The following KIF26B variants were observed in gnomAD, a reference collection of about 807,000 sequenced individuals.
KIF26B encodes the protein kinesin-like protein KIF26B.
Under a neutral mutation model 151.2 loss-of-function variants are expected in KIF26B, and 63 were observed. The ratio of observed to expected loss-of-function variants is 0.42; its 90% CI spans 0.34 to 0.51. The LOEUF (loss-of-function observed/expected upper bound fraction) is 0.51, where lower values mean the gene tolerates loss of function less well. KIF26B is among the 20% of genes least tolerant of loss of function. The pLI is 0.07. For synonymous variants in KIF26B, 1,357 were observed against 1,262.1 expected (o/e 1.08, Z -1.59); for missense variants, 2,813 against 2,913.6 (o/e 0.97, Z 0.79).
intron 4 of KIF26B, among the ~76,000 whole-genome samples, chr1:245,453,370 C>T (rs1365522852): frequency 6.6e-6 from 1 of 152,110 alleles, no homozygotes; most frequent in Admixed American, 6.6e-5. Context: ...ACATTTTATT[C>T]ATCACAATTT....
At position 245,606,045 on chromosome 1, in the gene KIF26B, G is replaced by A. The variant is rs1352582651; in HGVS notation, c.1558-1606G>A. ...AGCCTTCTGCCTGCTCTGCAGACACGCCTCTGGCAAATTCCATCAAGACGC... is the reference window on the plus strand; with the variant it reads ...AGCCTTCTGCCTGCTCTGCAGACACACCTCTGGCAAATTCCATCAAGACGC... On this transcript the variant is annotated intron_variant, in intron 6 of 14. Transcript: ENST00000407071. This position sits in a 1 kb window ranked among gnomAD's most constrained non-coding sequence, Gnocchi z 4.6. Among the ~76,000 whole-genome samples the A allele has an allele frequency of 1.3e-5, 2 of 152,132 alleles. No homozygotes were observed. The highest frequency in any genetic ancestry group is 2.4e-5 in the African/African-American group (1 of 41,436).
chr1:245,542,236 C>T lies in KIF26B; in HGVS notation c.1350+1286C>T, dbSNP rs539420544. ...GGCACAGTGGCAGATGCCTGTAGTC[C>T]CAGCTACTCAGGAGGCTAAGGAGGG... On this transcript the variant is annotated intron_variant, in intron 5 of 14. Coordinates refer to ENST00000407071, the MANE Select transcript of KIF26B (RefSeq NM_018012.4). Among the ~76,000 whole-genome samples the T allele has an allele frequency of 2.0e-5, 3 of 152,318 alleles. No individual in the cohort carries two copies. In the South Asian group the frequency reaches 6.2e-4, roughly 32 times the overall value.
In KIF26B at chr1:245,375,796, A is replaced by G. The variant is rs1302184158; in HGVS notation, c.999+8429A>G. On this transcript the variant is annotated intron_variant, in intron 3 of 14. Coordinates refer to ENST00000407071, the MANE Select transcript of KIF26B (RefSeq NM_018012.4). This position sits in a 1 kb window ranked among gnomAD's most constrained non-coding sequence, Gnocchi z 4.2. ...TCTACAGACCAAGGAGTCCCTGCAG[A>G]AACCTGCAGGACAGCAAGAACGTGG... Among the ~76,000 whole-genome samples the G allele has an allele frequency of 6.6e-6, 1 of 152,190 alleles. No homozygotes were observed. The highest frequency in any genetic ancestry group is 1.9e-4 in the East Asian group (1 of 5,194).
chr1:245,362,109 C>G (rs756434916), intron 2 of KIF26B, among the ~76,000 whole-genome samples: 1 of 148,054 alleles, frequency 6.8e-6, no homozygotes, highest in African/African-American at 2.5e-5. Context: ...AAGAGAGTCT[C>G]GCGGTGAGAA....
chr1:245,245,885 TA>T (rs1558359990), intron 2 of KIF26B, among the ~76,000 whole-genome samples: 1 of 142,942 alleles, frequency 7.0e-6, no homozygotes, highest in Admixed American at 7.3e-5. Flanking sequence ...GAGATCACAC[TA>T]CTACAGTCCA....
At chr1:245,545,675 T>C (rs773124977) in intron 5 of KIF26B, among the ~76,000 whole-genome samples, 1 of 152,248 alleles carries the variant, frequency 6.6e-6, no homozygotes, top group African/African-American at 2.4e-5. Flanking sequence ...TATAGAGATA[T>C]TCTTAATAAG....
At chr1:245,624,667 T>C (rs1715802) in intron 9 of KIF26B, among the ~76,000 whole-genome samples, 105,636 of 151,486 alleles carry the variant, frequency 0.7, 36,881 homozygotes, top group East Asian at 0.89. Flanking sequence ...TATTTGCAAA[T>C]ATTTTCTCTC....
intron 2 of KIF26B, among the ~76,000 whole-genome samples, chr1:245,301,958 G>A (rs925212859): frequency 6.6e-6 from 1 of 152,192 alleles, no homozygotes; most frequent in African/African-American, 2.4e-5. Flanking sequence ...TTCACTTTCT[G>A]TGTCCTCAGA....
In KIF26B at chr1:245,270,349, TCCTTC is replaced by T. The variant is rs1443810561; in HGVS notation, c.466-96470_466-96466del. On this transcript the variant is annotated intron_variant, in intron 2 of 14. Transcript: ENST00000407071. Reference sequence around the variant, plus strand: ...TCCTTTTTCCTTTCCCTTCCCTTCCTCCTTCCCTTCCCTTCCCTTTTTCTTTCCCT... The same window carrying T: ...TCCTTTTTCCTTTCCCTTCCCTTCCTCCTTCCCTTCCCTTTTTCTTTCCCT... Among the ~76,000 whole-genome samples, 18 of 144,664 alleles carry T rather than the reference TCCTTC, an allele frequency of 1.2e-4. No homozygotes were observed. In the South Asian group the frequency reaches 3.0e-3, roughly 24 times the overall value. The allele number at this position is 144,664 out of a possible 152,430, so 94.9% of individuals were successfully genotyped here. A position where few individuals can be genotyped will look rare whatever the true frequency, so the allele number is the denominator to read the frequency against.
intron 5 of KIF26B, among the ~76,000 whole-genome samples, chr1:245,561,523 C>T (rs1309912376): frequency 6.6e-6 from 1 of 152,194 alleles, no homozygotes; most frequent in East Asian, 1.9e-4. Flanking sequence ...TTCCCTAGGG[C>T]TGGGTACTGA....
In KIF26B at chr1:245,688,033, C is replaced by A. The variant is rs984120949; in HGVS notation, c.5050C>A (p.Arg1684=). The A allele has an allele frequency of 1.3e-6, 2 of 1,557,396 alleles. No homozygotes were observed. The highest frequency in any genetic ancestry group is 1.7e-6 in the Non-Finnish European group (2 of 1,151,538). ...CCACTACGAATGCCTCTCCCTGGAG[C>A]GGGCCGAGAGCCTGTCCTCCGTGAG... ...VSHYECLSLE[R]AESLSSVSSR... is the part of the protein sequence containing the mutation. Residue 1684 remains arginine (R), a synonymous_variant, in exon 12 of 15, where the codon CGG becomes AGG. Transcript: ENST00000407071.
At chr1:245,344,714 G>A (rs1672411112) in intron 2 of KIF26B, among the ~76,000 whole-genome samples, 1 of 151,848 alleles carries the variant, frequency 6.6e-6, no homozygotes. Flanking sequence ...CTTAGGTTCT[G>A]CTTAGACGCA....
At chr1:245,590,208 G>C (rs780827557) in intron 5 of KIF26B, among the ~76,000 whole-genome samples, 2 of 151,392 alleles carry the variant, frequency 1.3e-5, no homozygotes, top group Non-Finnish European at 3.0e-5. Context: ...ACCACCCGGC[G>C]AGTCAGAGCA....
rs1464639397 is a variant in KIF26B at position 245,160,984 on chromosome 1, A to G, written c.465+4301A>G. Among the ~76,000 whole-genome samples, 3 of 152,346 alleles carry G rather than the reference A, an allele frequency of 2.0e-5. No homozygotes were observed. The East Asian group carries it at 5.8e-4, about 29-fold the overall frequency. ...CCCAAAAGCCATCATAAAACATTTT[A>G]TAGATAGGATAAAACAGACATTGCA... On this transcript the variant is annotated intron_variant, in intron 2 of 14. Transcript: ENST00000407071.
chr1:245,575,332 A>T (rs1271196520), intron 5 of KIF26B, among the ~76,000 whole-genome samples: 1 of 151,850 alleles, frequency 6.6e-6, no homozygotes, highest in Non-Finnish European at 1.5e-5. Context: ...AAAATTAGCC[A>T]GGCATAGTGG....
At chr1:245,303,478 G>A (rs4450050) in intron 2 of KIF26B, among the ~76,000 whole-genome samples, 32,011 of 150,860 alleles carry the variant, frequency 0.21, 3,590 homozygotes, top group Admixed American at 0.32. Context: ...GATTACAGGC[G>A]TAAGCCACCG....
At position 245,688,585 on chromosome 1, in the gene KIF26B, G is replaced by T. The variant is rs1336610682; in HGVS notation, c.5602G>T (p.Gly1868Cys). The change falls in exon 12 of 15, where the codon GGC (glycine) becomes TGC (cysteine). Residue 1868 changes from glycine to cysteine, a missense_variant. Physicochemically the swap from Gly to Cys is radical, Grantham distance 159 (BLOSUM62 -3). Around this residue, in one of 3 missense-constraint regions of KIF26B, gnomAD observed 2,060 missense variants for 2,088.6 expected, o/e 0.99. Transcript: ENST00000407071. ...RRPHRCSSGH[G>C]SDNSSVLSGE... ...GCCCCACCGCTGCAGCAGCGGCCAC[G>T]GCAGCGACAACAGCAGCGTGCTGAG... is the stretch of plus-strand genomic sequence containing the variant. The T allele has an allele frequency of 1.9e-6, 3 of 1,572,868 alleles. No homozygotes were observed. The African/African-American group carries it at 4.1e-5, about 21-fold the overall frequency.
At chr1:245,529,171 C>T (rs558941394) in intron 4 of KIF26B, among the ~76,000 whole-genome samples, 1 of 152,232 alleles carries the variant, frequency 6.6e-6, no homozygotes, top group South Asian at 2.1e-4. Context: ...GCAGTGTCTG[C>T]TATCCTGCTG....
chr1:245,644,118 A>G (rs1252264235), intron 9 of KIF26B, among the ~76,000 whole-genome samples: 1 of 152,132 alleles, frequency 6.6e-6, no homozygotes, highest in African/African-American at 2.4e-5. Context: ...AGGGACTCCA[A>G]TTACACATAG....
Sources: allele counts gnomAD v4.1 joint callset (sites outside exome capture counted in the v4.1 genomes callset), GRCh38; gene constraint gnomAD v4.1.1; regional missense constraint gnomAD v4.1.1; non-coding constraint Gnocchi (gnomAD v3.1); transcripts MANE v1.5; gene names NCBI Gene and HGNC (gene_info 2026-07-23, HGNC 2026-07-21).